Variants in GBP2 observed in about 807,000 individuals in gnomAD.
GBP2 encodes the protein guanylate-binding protein 2.
In GBP2, 54 loss-of-function variants were observed where a neutral mutation model predicts 60.8. The ratio of observed to expected loss-of-function variants is 0.89; its 90% confidence interval spans 0.71 to 1.11. GBP2 has a LOEUF of 1.11. Among genes scored for constraint, GBP2 ranks in the 50% most tolerant of loss-of-function variants. The pLI, the probability that GBP2 is intolerant of heterozygous loss-of-function variation, is 0.00. For missense variants in GBP2, 665 were observed against 703.3 expected (o/e 0.95, Z 0.62); for synonymous variants, 243 against 256.5 (o/e 0.95, Z 0.50).
intron 7 of GBP2, among the ~76,000 whole-genome samples, chr1:89,113,642 T>C (rs1681208678): frequency 1.3e-5 from 2 of 151,844 alleles, no homozygotes; most frequent in African/African-American, 4.8e-5. Flanking sequence ...TTGGCTCACA[T>C]TTAAAAAAAT....
chr1:89,120,227 A>G lies in GBP2; in HGVS notation c.380T>C (p.Val127Ala), dbSNP rs138896151. 8.1e-6 allele frequency: 13 copies of G among 1,613,980 alleles called. No homozygotes were observed. Among genetic ancestry groups the G allele is most frequent in the Non-Finnish European group, 1.1e-5 (13 of 1,179,904 alleles). ...GTTGATGGTTCCCATGCTATTGTACACGAAGGTGCTGCTCAGGAGGATGGC... is the reference window on the plus strand; with the variant it reads ...GTTGATGGTTCCCATGCTATTGTACGCGAAGGTGCTGCTCAGGAGGATGGC... ...ALAILLSSTF[V>A]YNSMGTINQQ... The change falls in exon 4 of 11, where the codon GTG (valine) becomes GCG (alanine). Residue 127 changes from valine (V) to alanine (A), a missense_variant. Transcript: ENST00000370466.
Position 89,116,847 on chromosome 1 carries a change from T to G in GBP2, c.868+145A>C. Reference sequence around the variant, plus strand: ...ATAGCTTTAGTTTTCATGTAAAATTTATAATATGATTTTCATGTTGTATTT... The same window carrying G: ...ATAGCTTTAGTTTTCATGTAAAATTGATAATATGATTTTCATGTTGTATTT... On this transcript the variant is annotated intron_variant, in intron 6 of 10. Transcript: ENST00000370466. 11 of 763,664 alleles carry G rather than the reference T, an allele frequency of 1.4e-5. No individual in the cohort carries two copies. In the South Asian group the frequency reaches 1.9e-4, roughly 13 times the overall value. The allele number at this position is 763,664 out of a possible 1,614,324, so 47.3% of individuals were successfully genotyped here. A position where few individuals can be genotyped will look rare whatever the true frequency, so the allele number is the denominator to read the frequency against.
At chr1:89,111,993 G>A (rs916355956) in intron 8 of GBP2, among the ~76,000 whole-genome samples, 7 of 152,246 alleles carry the variant, frequency 4.6e-5, no homozygotes, top group African/African-American at 1.7e-4. Context: ...TCGGATATTA[G>A]TAATACATAT....
chr1:89,114,430 T>C, intron 6 of GBP2, 134 bp from the exon 7 acceptor site: 1 of 1,099,674 alleles, frequency 9.1e-7, no homozygotes, highest in Non-Finnish European at 1.3e-6. Flanking sequence ...GAATAATTTG[T>C]TAACCTCTAA....
intron 10 of GBP2, among the ~76,000 whole-genome samples, chr1:89,108,891 G>A (rs1681103539): frequency 1.2e-5 from 1 of 83,108 alleles, no homozygotes; most frequent in South Asian, 3.9e-4. Flanking sequence ...GATGGTTAGG[G>A]AATCTTTCTT....
chr1:89,117,508 C>A, intron 5 of GBP2, 69 bp downstream of exon 5: 8 of 1,338,282 alleles, frequency 6.0e-6, no homozygotes, highest in Non-Finnish European at 8.4e-6. Flanking sequence ...TTTAGCACTG[C>A]ACAGAAATGG....
At position 89,121,827 on chromosome 1, in the gene GBP2, T is replaced by C. The variant is rs996566459; in HGVS notation, c.140A>G (p.Tyr47Cys). Reference protein sequence around the residue: ...PVVVVAIVGLYRTGKSYLMNK... With the variant: ...PVVVVAIVGLCRTGKSYLMNK... ...CATCAGGTAGGATTTGCCTGTGCGA[T>C]AGAGGCCCACAATCGCCACCACCAC... Residue 47 changes from tyrosine (Y) to cysteine (C), a missense_variant, in exon 2 of 11, where the codon TAT (tyrosine) becomes TGT (cysteine). By Grantham distance (194) the Tyr-to-Cys change is radical. Transcript: ENST00000370466. The C allele has an allele frequency of 1.2e-6, 2 of 1,614,108 alleles. No homozygotes were observed. The highest frequency in any genetic ancestry group is 1.7e-6 in the Non-Finnish European group (2 of 1,179,982).
chr1:89,110,340 T>G, intron 8 of GBP2, 74 bp from the exon 9 acceptor site: 5 of 1,074,868 alleles, frequency 4.7e-6, no homozygotes, highest in Non-Finnish European at 7.1e-6. Context: ...CCACTGGGTA[T>G]CTACCCAGAG....
chr1:89,116,741 G>C (rs912535226), intron 6 of GBP2, among the ~76,000 whole-genome samples: 49 of 152,076 alleles, frequency 3.2e-4, no homozygotes, highest in African/African-American at 1.1e-3. Flanking sequence ...TGAGAAGTTG[G>C]TGGAGAAGTT....
In GBP2 at chr1:89,120,229, G is replaced by A. The variant is rs148121752; in HGVS notation, c.378C>T (p.Phe126=). Residue 126 remains phenylalanine, a synonymous_variant, in exon 4 of 11, where the codon TTC becomes TTT. Transcript: ENST00000370466. ...FALAILLSST[F]VYNSMGTINQ... ...TGATGGTTCCCATGCTATTGTACAC[G>A]AAGGTGCTGCTCAGGAGGATGGCCA... 16 of 1,613,852 alleles carry A rather than the reference G, an allele frequency of 9.9e-6. No homozygotes were observed. The East Asian group carries it at 1.8e-4, about 18-fold the overall frequency.
At chr1:89,110,476 C>CAT (rs1681140102) in intron 8 of GBP2, among the ~76,000 whole-genome samples, 1 of 152,076 alleles carries the variant, frequency 6.6e-6, no homozygotes. Flanking sequence ...AAAATTGTTT[C>CAT]ATATATATGT....
chr1:89,110,434 G>C (rs1028960918), intron 8 of GBP2, among the ~76,000 whole-genome samples, 168 bp from the exon 9 acceptor site: 1 of 152,086 alleles, frequency 6.6e-6, no homozygotes, highest in Non-Finnish European at 1.5e-5. Context: ...TATGGAATGA[G>C]CCCAAATGCC....
chr1:89,116,029 T>TC (rs2100615483), intron 6 of GBP2, among the ~76,000 whole-genome samples: 1 of 135,030 alleles, frequency 7.4e-6, no homozygotes, highest in East Asian at 2.3e-4. Flanking sequence ...ATATATATAT[T>TC]GGAGACAGGG....
In GBP2 at chr1:89,120,167, A is replaced by G. The variant is rs2100618835; in HGVS notation, c.428+12T>C. The G allele has an allele frequency of 1.3e-6, 2 of 1,595,596 alleles. No homozygotes were observed. The highest frequency in any genetic ancestry group is 2.2e-5 in the South Asian group (2 of 90,664). On this transcript the variant is annotated intron_variant, in intron 4 of 10. Transcript: ENST00000370466. ...TAGGTTTACTGCTGTTCTGGACCAC[A>G]AAAAAGGATACTGAAGTTGGTCCAT...
At chr1:89,110,826 C>T (rs4656094) in intron 8 of GBP2, among the ~76,000 whole-genome samples, 102,553 of 151,966 alleles carry the variant, frequency 0.67, 34,873 homozygotes, top group East Asian at 0.8. Flanking sequence ...ACACCACCTG[C>T]TCCCCCCAAA....
chr1:89,114,267 T>C lies in GBP2; in HGVS notation c.898A>G (p.Asn300Asp). Residue 300 changes from asparagine to aspartate, a missense_variant, in exon 7 of 11, where the codon AAT becomes GAT. Asn to Asp is a conservative substitution (Grantham distance 23). Coordinates refer to ENST00000370466, the MANE Select transcript of GBP2 (RefSeq NM_004120.5). Reference sequence around the variant, plus strand: ...GGTAGATCCCCACTGCTGATGGCATTGACGTAGGTCAGCACCAGGCTCTCT... The same window carrying C: ...GGTAGATCCCCACTGCTGATGGCATCGACGTAGGTCAGCACCAGGCTCTCT... ...RLESLVLTYV[N>D]AISSGDLPCM... is the part of the protein sequence containing the mutation. 6.2e-7 allele frequency: 1 copy of C among 1,614,262 alleles called. No individual in the cohort carries two copies. The highest frequency in any genetic ancestry group is 1.1e-5 in the South Asian group (1 of 91,090).
chr1:89,113,681 C>T (rs1681209706), intron 7 of GBP2, among the ~76,000 whole-genome samples: 1 of 152,190 alleles, frequency 6.6e-6, no homozygotes, highest in South Asian at 2.1e-4. Flanking sequence ...ATAATTTAGT[C>T]CCCACTGATA....
intron 8 of GBP2, among the ~76,000 whole-genome samples, chr1:89,112,267 T>TAA (rs1289971610): frequency 6.6e-6 from 1 of 152,222 alleles, no homozygotes; most frequent in African/African-American, 2.4e-5. Flanking sequence ...GTCAATTCGA[T>TAA]AAACCTCTTT....
intron 7 of GBP2, 24 bp downstream of exon 7, chr1:89,113,992 C>T (rs777001412): frequency 1.2e-6 from 2 of 1,610,854 alleles, no homozygotes; most frequent in Non-Finnish European, 1.7e-6. Flanking sequence ...TTCTGCCTCT[C>T]ATGACGTAGA....
Sources: allele counts gnomAD v4.1 joint callset (sites outside exome capture counted in the v4.1 genomes callset), GRCh38; gene constraint gnomAD v4.1.1; transcripts MANE v1.5; gene names NCBI Gene and HGNC (gene_info 2026-07-23, HGNC 2026-07-21).